Variants in GRM7 observed in about 807,000 individuals in gnomAD.
GRM7 encodes the protein metabotropic glutamate receptor 7.
GRM7 carries 35 observed loss-of-function variants against 84.5 expected under a neutral mutation model. The ratio of observed to expected loss-of-function variants is 0.41; its 90% CI spans 0.32 to 0.55. The LOEUF (loss-of-function observed/expected upper bound fraction) is 0.55, where lower values mean the gene tolerates loss of function less well. GRM7 is among the 20% of genes least tolerant of loss of function. The probability of loss-of-function intolerance (pLI) is 0.19; values close to 1 mark genes in which losing one functional copy is unlikely to be tolerated. For missense variants in GRM7, 1,003 were observed against 1,194.6 expected (o/e 0.84, Z 2.36); for synonymous variants, 487 against 455.1 (o/e 1.07, Z -0.89).
rs554449417 is a variant in GRM7 at position 7,459,866 on chromosome 3, G to A, written c.1376-1717G>A. On this transcript the variant is annotated intron_variant, in intron 6 of 9. Coordinates refer to ENST00000357716, the MANE Select transcript of GRM7 (RefSeq NM_000844.4). ...ATAAGCAAGGGAACTCAGTAAGCCC[G>A]TTCTTGGTAGTTCCAGGAGCAGAGT... 3.9e-5 allele frequency among the ~76,000 whole-genome samples: 6 copies of A among 151,978 alleles called. No individual in the cohort carries two copies. In the South Asian group the frequency reaches 6.2e-4, roughly 16 times the overall value.
intron 8 of GRM7, among the ~76,000 whole-genome samples, chr3:7,586,519 T>G (rs1695522517): frequency 6.6e-6 from 1 of 152,054 alleles, no homozygotes; most frequent in Admixed American, 6.6e-5. Context: ...TAAAAAGCAA[T>G]GGACCAGGCT....
At chr3:7,498,223 C>T (rs913381215) in intron 7 of GRM7, among the ~76,000 whole-genome samples, 9 of 152,076 alleles carry the variant, frequency 5.9e-5, no homozygotes, top group African/African-American at 2.2e-4. Context: ...AATTGTTTGT[C>T]CACTAGAGAA....
At chr3:6,889,342 C>T (rs1425723955) in intron 1 of GRM7, among the ~76,000 whole-genome samples, 1 of 152,124 alleles carries the variant, frequency 6.6e-6, no homozygotes, top group East Asian at 1.9e-4. Context: ...AGTTTTCGTC[C>T]ATTCAGTATG....
intron 2 of GRM7, among the ~76,000 whole-genome samples, chr3:7,274,980 T>G (rs1393781051): frequency 6.6e-6 from 1 of 152,186 alleles, no homozygotes; most frequent in Non-Finnish European, 1.5e-5. Flanking sequence ...TATTTTGCTC[T>G]TCTCAGTCTA....
chr3:6,908,280 G>T (rs1696650069), intron 1 of GRM7, among the ~76,000 whole-genome samples: 1 of 152,140 alleles, frequency 6.6e-6, no homozygotes, highest in South Asian at 2.1e-4. Flanking sequence ...TGCTTACGCG[G>T]TTCTTTCACA....
At chr3:7,474,879 G>A (rs544266029) in intron 7 of GRM7, among the ~76,000 whole-genome samples, 104 of 152,268 alleles carry the variant, frequency 6.8e-4, no homozygotes, top group African/African-American at 2.5e-3. Context: ...AGGAAAGCAG[G>A]CAGAGATAGA....
chr3:6,891,374 T>C (rs1695936416), intron 1 of GRM7, among the ~76,000 whole-genome samples: 2 of 152,210 alleles, frequency 1.3e-5, no homozygotes, highest in South Asian at 4.1e-4. Context: ...CTGGTACCGG[T>C]TGTTGCTTTC....
chr3:6,950,681 C>A (rs1692713625), intron 1 of GRM7, among the ~76,000 whole-genome samples: 1 of 152,318 alleles, frequency 6.6e-6, no homozygotes, highest in Middle Eastern at 3.4e-3. Flanking sequence ...AGGCAGGCCT[C>A]CTTGAGCTGT....
chr3:7,013,133 TAAA>T (rs796367147), intron 1 of GRM7, among the ~76,000 whole-genome samples: 10 of 59,508 alleles, frequency 1.7e-4, no homozygotes, highest in African/African-American at 7.0e-4. Flanking sequence ...AACCCTACCA[TAAA>T]AAAAAAAAAG....
At chr3:7,494,694 T>G (rs1699638555) in intron 7 of GRM7, among the ~76,000 whole-genome samples, 1 of 152,204 alleles carries the variant, frequency 6.6e-6, no homozygotes, top group Non-Finnish European at 1.5e-5. Context: ...TCCTCTACTT[T>G]ACAGATTCTA....
Position 7,712,843 on chromosome 3 carries a change from G to A in GRM7, c.2699-27514G>A, listed in dbSNP as rs1364536530. On this transcript the variant is annotated intron_variant, in intron 9 of 9. Transcript: ENST00000357716. The stretch of plus-strand genomic sequence containing the variant: ...GGCCATGCCTCCTCTGAAGCCTGTA[G>A]TAGAGGTCCTTCATGTTCTTTCAGC... 7.9e-5 allele frequency among the ~76,000 whole-genome samples: 12 copies of A among 152,230 alleles called. No homozygotes were observed. In the East Asian group the frequency reaches 1.4e-3, roughly 17 times the overall value.
rs59465377 is a variant in GRM7 at position 7,403,622 on chromosome 3, G to GATATATATATATATAT, written c.1034-11388_1034-11373dup. On this transcript the variant is annotated intron_variant, in intron 4 of 9. Transcript: ENST00000357716. The stretch of plus-strand genomic sequence containing the variant: ...CATGTGATATTATCTGAGTAATTCT[G>GATATATATATATATAT]ATATATATATATATATATATATATA... Among the ~76,000 whole-genome samples the GATATATATATATATAT allele has an allele frequency of 6.3e-3, 793 of 126,856 alleles. 3 individuals are homozygous for GATATATATATATATAT. Among genetic ancestry groups the GATATATATATATATAT allele is most frequent in the Middle Eastern group, 8.7e-3 (2 of 230 alleles). 83.2% of individuals were successfully genotyped at this position (126,856 alleles called of 152,430 possible).
At chr3:7,661,495 A>G (rs1699442544) in intron 8 of GRM7, among the ~76,000 whole-genome samples, 1 of 152,112 alleles carries the variant, frequency 6.6e-6, no homozygotes, top group Non-Finnish European at 1.5e-5. Flanking sequence ...TACACTGCTG[A>G]TAAGAATATA....
At chr3:7,256,791 G>T (rs1353833520) in intron 2 of GRM7, among the ~76,000 whole-genome samples, 3 of 152,080 alleles carry the variant, frequency 2.0e-5, no homozygotes. Flanking sequence ...ATCATCTAGT[G>T]GGGAAACAGA....
At chr3:7,061,042 C>T (rs1697418756) in intron 1 of GRM7, among the ~76,000 whole-genome samples, 1 of 151,718 alleles carries the variant, frequency 6.6e-6, no homozygotes, top group East Asian at 1.9e-4. Flanking sequence ...TTGCAATTCA[C>T]TCTCATGTTA....
intron 2 of GRM7, among the ~76,000 whole-genome samples, chr3:7,189,957 T>C (rs1399194593): frequency 6.6e-6 from 1 of 152,056 alleles, no homozygotes; most frequent in Non-Finnish European, 1.5e-5. Flanking sequence ...AAAAGCAATG[T>C]AGACACACAC....
At chr3:7,132,506 C>G (rs545882149) in intron 1 of GRM7, among the ~76,000 whole-genome samples, 22 of 152,068 alleles carry the variant, frequency 1.4e-4, no homozygotes, top group Non-Finnish European at 2.9e-4. Flanking sequence ...GAATTATTTA[C>G]CATGCAGAAA....
At chr3:7,620,565 C>T (rs1697310987) in intron 8 of GRM7, among the ~76,000 whole-genome samples, 1 of 152,132 alleles carries the variant, frequency 6.6e-6, no homozygotes, top group Admixed American at 6.6e-5. Flanking sequence ...TTTATAGTTA[C>T]ACCATACCAG....
intron 7 of GRM7, among the ~76,000 whole-genome samples, chr3:7,483,828 A>G (rs1699222624): frequency 6.6e-6 from 1 of 151,928 alleles, no homozygotes; most frequent in Non-Finnish European, 1.5e-5. Flanking sequence ...TGTATATGGA[A>G]TACTATATTA....
Sources: gnomAD v4.1 joint callset for allele counts (sites outside exome capture counted in the v4.1 genomes callset) on GRCh38, gnomAD v4.1.1 for gene constraint, MANE v1.5 for transcripts, NCBI Gene and HGNC (gene_info 2026-07-23, HGNC 2026-07-21) for gene names.